ADCY5: variants seen among roughly 807,000 people sequenced by gnomAD.
ADCY5 encodes adenylate cyclase 5.
In ADCY5, 30 loss-of-function variants were observed where a neutral mutation model predicts 119.7. The observed-to-expected ratio is 0.25, with a 90% CI of 0.19 to 0.34. The LOEUF (loss-of-function observed/expected upper bound fraction) is 0.34, where lower values mean the gene tolerates loss of function less well. ADCY5 is among the 10% of genes least tolerant of loss of function. The pLI, the probability that ADCY5 is intolerant of heterozygous loss-of-function variation, is 1.00. For missense variants in ADCY5, 1,324 were observed against 1,775.2 expected, an observed-to-expected ratio of 0.75 and a Z score of 4.57; for synonymous variants, 753 against 762.2, an observed-to-expected ratio of 0.99 and a Z score of 0.20.
chr3:123,358,844 G>A (rs1361722212), intron 1 of ADCY5, among the ~76,000 whole-genome samples: 1 of 152,222 alleles, frequency 6.6e-6, no homozygotes, highest in Non-Finnish European at 1.5e-5. Flanking sequence ...TTTGAGCCAA[G>A]AGTGGGAAGT....
At chr3:123,405,343 C>T (rs759280827) in intron 1 of ADCY5, among the ~76,000 whole-genome samples, 10 of 152,220 alleles carry the variant, frequency 6.6e-5, no homozygotes, top group Non-Finnish European at 1.3e-4. Flanking sequence ...TGGAGAAGCA[C>T]GGACAAGGCA....
intron 1 of ADCY5, among the ~76,000 whole-genome samples, chr3:123,401,804 T>C (rs749841349): frequency 1.3e-5 from 2 of 152,106 alleles, no homozygotes; most frequent in African/African-American, 4.8e-5. Flanking sequence ...AGGTAGCTCT[T>C]ACCGAACCTA....
chr3:123,321,669 C>G (rs1431259799), intron 8 of ADCY5, among the ~76,000 whole-genome samples: 2 of 152,204 alleles, frequency 1.3e-5, no homozygotes, highest in Non-Finnish European at 2.9e-5. Flanking sequence ...GCTGGGCAAA[C>G]AGAGTTCGGC....
chr3:123,304,744 T>C (rs1940106185), intron 12 of ADCY5, among the ~76,000 whole-genome samples: 1 of 152,080 alleles, frequency 6.6e-6, no homozygotes, highest in South Asian at 2.1e-4. Context: ...TCCAAGGACC[T>C]GCCATTTCCC....
intron 1 of ADCY5, among the ~76,000 whole-genome samples, chr3:123,381,718 G>A (rs549102742): frequency 5.9e-5 from 9 of 152,242 alleles, no homozygotes; most frequent in East Asian, 3.9e-4. Flanking sequence ...CACATCTCCC[G>A]CTGGCTTCCA....
chr3:123,410,420 G>A (rs959793759), intron 1 of ADCY5, among the ~76,000 whole-genome samples: 1 of 151,940 alleles, frequency 6.6e-6, no homozygotes, highest in African/African-American at 2.4e-5. Flanking sequence ...AGGAATGGTA[G>A]AGCCATATCC....
At chr3:123,317,260 G>T (rs1474134905) in intron 11 of ADCY5, among the ~76,000 whole-genome samples, 2 of 151,858 alleles carry the variant, frequency 1.3e-5, no homozygotes, top group Non-Finnish European at 2.9e-5. Flanking sequence ...ACCTCTTTGT[G>T]AAATACCTCC....
intron 1 of ADCY5, among the ~76,000 whole-genome samples, chr3:123,374,364 A>G (rs531913237): frequency 7.9e-5 from 12 of 152,280 alleles, no homozygotes; most frequent in Non-Finnish European, 1.8e-4. Context: ...CCCACAAGCA[A>G]TAAGGAGCCA....
At chr3:123,365,286 C>T (rs936475875) in intron 1 of ADCY5, among the ~76,000 whole-genome samples, 35 of 152,192 alleles carry the variant, frequency 2.3e-4, no homozygotes, top group African/African-American at 7.5e-4. Flanking sequence ...TAAGCATGTT[C>T]CCCTGTTATT....
At chr3:123,292,724 G>A (rs1281042731) in intron 17 of ADCY5, among the ~76,000 whole-genome samples, 1 of 152,120 alleles carries the variant, frequency 6.6e-6, no homozygotes, top group African/African-American at 2.4e-5. Context: ...GGGGGTGGGG[G>A]GTAGGGGGCA....
chr3:123,373,519 T>C (rs1943707650), intron 1 of ADCY5, among the ~76,000 whole-genome samples: 2 of 152,138 alleles, frequency 1.3e-5, no homozygotes, highest in Non-Finnish European at 2.9e-5. Flanking sequence ...CCCCCATCCA[T>C]AGGGTCTCAC....
chr3:123,443,273 G>A (rs1945753512), intron 1 of ADCY5, among the ~76,000 whole-genome samples: 1 of 152,014 alleles, frequency 6.6e-6, no homozygotes, highest in African/African-American at 2.4e-5. Context: ...TTACTTCCCT[G>A]GGGAGCCAGA....
chr3:123,293,453 C>A (rs1400956140), intron 17 of ADCY5, among the ~76,000 whole-genome samples: 2 of 152,270 alleles, frequency 1.3e-5, no homozygotes, highest in East Asian at 1.9e-4. Flanking sequence ...AAATGAGGGA[C>A]CTGCTGGAAA....
chr3:123,383,260 C>T (rs1382505169), intron 1 of ADCY5, among the ~76,000 whole-genome samples: 2 of 152,150 alleles, frequency 1.3e-5, no homozygotes, highest in African/African-American at 4.8e-5. Context: ...TCCAGGGAAG[C>T]CAAGTCAGTA....
At chr3:123,377,189 C>CT (rs143346956) in intron 1 of ADCY5, among the ~76,000 whole-genome samples, 4,049 of 152,292 alleles carry the variant, frequency 0.027, 186 homozygotes, top group African/African-American at 0.089. Flanking sequence ...CCACTTCAAA[C>CT]TTTGATAGAA....
rs1329070694 is a variant in ADCY5, at chr3:123,283,962, AAT to A, written c.*644_*645del. The A allele has an allele frequency of 6.6e-6, 1 of 152,200 alleles. No homozygotes were observed. Among genetic ancestry groups the A allele is most frequent in the Non-Finnish European group, 1.5e-5 (1 of 68,084 alleles). The allele number at this position is 152,200 out of a possible 1,614,324, so 9.4% of individuals were successfully genotyped here. On this transcript the variant is annotated 3_prime_UTR_variant, in exon 21 of 21. Coordinates refer to ENST00000462833, the MANE Select transcript of ADCY5 (RefSeq NM_183357.3). Reference sequence around the variant, plus strand: ...AGAACTTGTTTTGTTTTATTTAATAAATATTTTTCTCAGAATCACCACTCCTT... The same window carrying A: ...AGAACTTGTTTTGTTTTATTTAATAAATTTTTCTCAGAATCACCACTCCTT...
At chr3:123,440,384 TAC>T (rs1277897241) in intron 1 of ADCY5, among the ~76,000 whole-genome samples, 1 of 152,146 alleles carries the variant, frequency 6.6e-6, no homozygotes, top group Non-Finnish European at 1.5e-5. Context: ...GGGGGCCTAT[TAC>T]AGTTTCACAC....
chr3:123,398,002 C>T (rs1242080968), intron 1 of ADCY5, among the ~76,000 whole-genome samples: 1 of 152,180 alleles, frequency 6.6e-6, no homozygotes, highest in Non-Finnish European at 1.5e-5. Context: ...GAAAAGTCTA[C>T]CTGACTGCAA....
At chr3:123,324,851 C>G (rs1465264387) in intron 8 of ADCY5, among the ~76,000 whole-genome samples, 1 of 152,232 alleles carries the variant, frequency 6.6e-6, no homozygotes, top group Non-Finnish European at 1.5e-5. Context: ...TGGCACTTCC[C>G]AGAAAGCACT....
Sources: gnomAD v4.1 joint callset for allele counts (sites outside exome capture counted in the v4.1 genomes callset) on GRCh38, gnomAD v4.1.1 for gene constraint, MANE v1.5 for transcripts, NCBI Gene and HGNC (gene_info 2026-07-23, HGNC 2026-07-21) for gene names.